PPARD: variants seen among roughly 807,000 people sequenced by gnomAD.
PPARD encodes peroxisome proliferator activated receptor delta, also known as peroxisome proliferator-activated receptor delta.
In PPARD, 6 loss-of-function variants were observed where a neutral mutation model predicts 39.5. That is an observed-to-expected ratio of 0.15 (90% confidence interval 0.08 to 0.30). The LOEUF (loss-of-function observed/expected upper bound fraction) is 0.30, where lower values mean the gene tolerates loss of function less well. Ranked by LOEUF, PPARD falls within the 10% of genes least tolerant of loss-of-function variation. The pLI, the probability that PPARD is intolerant of heterozygous loss-of-function variation, is 1.00. For synonymous variants in PPARD, 210 were observed against 231.3 expected, an observed-to-expected ratio of 0.91 and a Z score of 0.83; for missense variants, 397 against 596.8, an observed-to-expected ratio of 0.67 and a Z score of 3.49.
chr6:35,347,078 GT>G lies in PPARD; in HGVS notation c.-170del. On this transcript the variant is annotated 5_prime_UTR_variant, in exon 2 of 8. Coordinates refer to ENST00000360694, the MANE Select transcript of PPARD (RefSeq NM_006238.5). ...TTTCTATCCTGCAGTGTTGTACAGT[GT>G]TTTGGGCATGCACGTGATACTCACA... 4 of 1,535,038 alleles carry G rather than the reference GT, an allele frequency of 2.6e-6. No individual in the cohort carries two copies. The South Asian group carries it at 4.8e-5, about 18-fold the overall frequency.
intron 1 of PPARD, among the ~76,000 whole-genome samples, chr6:35,342,968 C>T (rs1002111256): frequency 1.3e-5 from 2 of 151,906 alleles, no homozygotes; most frequent in Admixed American, 6.5e-5. Flanking sequence ...TTCCACCCTA[C>T]TCTTTGCCCC....
intron 2 of PPARD, among the ~76,000 whole-genome samples, chr6:35,384,973 C>T (rs1291788847): frequency 1.5e-5 from 2 of 131,296 alleles, no homozygotes; most frequent in Non-Finnish European, 1.6e-5. Context: ...GGGGGGTCAG[C>T]CCCCCGCCGG....
At chr6:35,408,112 C>G (rs182206280) in intron 2 of PPARD, among the ~76,000 whole-genome samples, 175 of 152,298 alleles carry the variant, frequency 1.1e-3, no homozygotes, top group Non-Finnish European at 1.9e-3. Flanking sequence ...TTTCACCCAC[C>G]CTCCTACCCT....
chr6:35,420,819 CTTTTTTTTTTTTTT>C (rs35852986), intron 4 of PPARD, among the ~76,000 whole-genome samples: 5 of 85,742 alleles, frequency 5.8e-5, no homozygotes, highest in African/African-American at 2.1e-4. Context: ...AACAAAGAAG[CTTTTTTTTTTTTTT>C]TTTTTTTTTT....
chr6:35,413,232 CCT>C (rs1379810089), intron 3 of PPARD, among the ~76,000 whole-genome samples: 1 of 152,160 alleles, frequency 6.6e-6, no homozygotes, highest in East Asian at 1.9e-4. Context: ...ATGGCGGTGA[CCT>C]CTCAGGCAGC....
At chr6:35,398,594 G>A (rs988946514) in intron 2 of PPARD, among the ~76,000 whole-genome samples, 2 of 152,196 alleles carry the variant, frequency 1.3e-5, no homozygotes, top group Non-Finnish European at 2.9e-5. Context: ...GAGATGGAGC[G>A]TAGATGGAGA....
intron 2 of PPARD, among the ~76,000 whole-genome samples, chr6:35,380,641 G>A (rs1015024401): frequency 1.3e-5 from 2 of 151,922 alleles, no homozygotes; most frequent in African/African-American, 4.8e-5. Flanking sequence ...ACAGGCACAT[G>A]CACCACACCC....
chr6:35,418,065 A>C (rs1431408840), intron 3 of PPARD, among the ~76,000 whole-genome samples: 2 of 152,168 alleles, frequency 1.3e-5, no homozygotes, highest in African/African-American at 4.8e-5. Context: ...CACTGTGGAC[A>C]AGACTCGGTG....
intron 2 of PPARD, among the ~76,000 whole-genome samples, chr6:35,388,441 T>C (rs1409404826): frequency 1.3e-5 from 2 of 152,128 alleles, no homozygotes; most frequent in African/African-American, 4.8e-5. Flanking sequence ...AGGCCGGGTG[T>C]AGTGGCTCAC....
rs771349213 is a variant in PPARD at position 35,424,301 on chromosome 6, C to G, written c.628-28C>G. The G allele has an allele frequency of 6.2e-7, 1 of 1,606,538 alleles. No homozygotes were observed. The highest frequency in any genetic ancestry group is 1.1e-5 in the South Asian group (1 of 90,580). On this transcript the variant is annotated intron_variant, in intron 6 of 7. Transcript: ENST00000360694. This position sits in a 1 kb window ranked among gnomAD's most constrained non-coding sequence, Gnocchi z 7.1. ...GCACAGGGTGGGGGTCTCCCGAGGC[C>G]TGATCTCTAACGGGGCCTGGTTTTC...
At chr6:35,346,544 T>C (rs767676709) in intron 1 of PPARD, among the ~76,000 whole-genome samples, 2 of 152,208 alleles carry the variant, frequency 1.3e-5, no homozygotes, top group Non-Finnish European at 2.9e-5. Flanking sequence ...GAGGAGCTGC[T>C]TGCAACAGCT....
chr6:35,343,229 C>T (rs950148736), intron 1 of PPARD, among the ~76,000 whole-genome samples: 4 of 152,128 alleles, frequency 2.6e-5, no homozygotes, highest in African/African-American at 9.7e-5. Flanking sequence ...CCATCCCTGT[C>T]CCCTTCTTAT....
At chr6:35,404,483 G>A (rs975665516) in intron 2 of PPARD, among the ~76,000 whole-genome samples, 2 of 152,194 alleles carry the variant, frequency 1.3e-5, no homozygotes, top group African/African-American at 4.8e-5. Flanking sequence ...GCCCATGGAG[G>A]ATGGAGGCCC....
intron 2 of PPARD, among the ~76,000 whole-genome samples, chr6:35,383,560 G>A (rs997975241): frequency 2.1e-5 from 3 of 145,546 alleles, no homozygotes; most frequent in Non-Finnish European, 4.4e-5. Flanking sequence ...TCTCCGACCG[G>A]CCGCCATCCC....
In PPARD at chr6:35,406,783, GA is replaced by G. The variant is rs537274745; in HGVS notation, c.-101-4197del. Among the ~76,000 whole-genome samples the G allele has an allele frequency of 2.6e-5, 4 of 152,246 alleles. No individual in the cohort carries two copies. The East Asian group carries it at 7.7e-4, about 29-fold the overall frequency. ...TGAGAACAGTTTTACCGGTTCTGGT[GA>G]AAAAAACCCACTACCAGCTCATATG... On this transcript the variant is annotated intron_variant, in intron 2 of 7. Transcript: ENST00000360694.
chr6:35,397,216 CAG>C (rs1764386896), intron 2 of PPARD, among the ~76,000 whole-genome samples: 1 of 142,860 alleles, frequency 7.0e-6, no homozygotes, highest in Non-Finnish European at 1.5e-5. Context: ...GACTCTGAGT[CAG>C]GGAGGCCTCC....
intron 2 of PPARD, among the ~76,000 whole-genome samples, chr6:35,389,707 T>C (rs569143150): frequency 1.1e-4 from 17 of 152,364 alleles, no homozygotes; most frequent in African/African-American, 4.1e-4. Flanking sequence ...ACCATGAGTA[T>C]GTTATACCCC....
chr6:35,367,169 G>A (rs1762250097), intron 2 of PPARD, among the ~76,000 whole-genome samples: 1 of 152,198 alleles, frequency 6.6e-6, no homozygotes, highest in African/African-American at 2.4e-5. Context: ...ACTGTAACAG[G>A]AAGAAGAGAG....
Position 35,387,716 on chromosome 6 carries a change from CTTT to C in PPARD, c.-101-23250_-101-23248del, listed in dbSNP as rs61314141. On this transcript the variant is annotated intron_variant, in intron 2 of 7. Transcript: ENST00000360694. Reference sequence around the variant, plus strand: ...TCAGCATATACAGATACACTGCATTCTTTTTTTTTTTTTTTTTTTTTTTGAGAT... The same window carrying C: ...TCAGCATATACAGATACACTGCATTCTTTTTTTTTTTTTTTTTTTTGAGAT... Among the ~76,000 whole-genome samples, 430 of 89,288 alleles carry C rather than the reference CTTT, an allele frequency of 4.8e-3. 1 individual carries two copies. The highest frequency in any genetic ancestry group is 0.017 in the African/African-American group (330 of 19,870). 58.6% of individuals were successfully genotyped at this position (89,288 alleles called of 152,430 possible).
Sources: allele counts gnomAD v4.1 joint callset (sites outside exome capture counted in the v4.1 genomes callset), GRCh38; gene constraint gnomAD v4.1.1; non-coding constraint Gnocchi (gnomAD v3.1); transcripts MANE v1.5; gene names NCBI Gene and HGNC (gene_info 2026-07-23, HGNC 2026-07-21).